Variants in TRPM1 observed in about 807,000 individuals in gnomAD.
The protein encoded by TRPM1 is transient receptor potential cation channel subfamily M member 1, also known as TRPM1-203 APA Isoform, Intron 10.
TRPM1 carries 113 observed loss-of-function variants against 149.4 expected under a neutral mutation model. That is an observed-to-expected ratio of 0.76 (90% CI 0.65 to 0.88). TRPM1 has a LOEUF of 0.88. Ranked by LOEUF, TRPM1 falls within the 40% of genes least tolerant of loss-of-function variation. The probability of loss-of-function intolerance (pLI) is 0.00; values close to 1 mark genes in which losing one functional copy is unlikely to be tolerated. For missense variants in TRPM1, 1,976 were observed against 2,038.7 expected (o/e 0.97, Z 0.59); for synonymous variants, 741 against 759.5 (o/e 0.98, Z 0.40).
intron 1 of TRPM1, among the ~76,000 whole-genome samples, chr15:31,144,943 C>T (rs1242346839): frequency 3.3e-5 from 5 of 151,820 alleles, no homozygotes; most frequent in Non-Finnish European, 5.9e-5. Flanking sequence ...CTCGAGCTCC[C>T]GACCTCAGGT....
chr15:31,108,630 AT>A (rs2035641449), intron 1 of TRPM1, among the ~76,000 whole-genome samples: 3 of 152,150 alleles, frequency 2.0e-5, no homozygotes, highest in African/African-American at 7.2e-5. Context: ...AGTAGCTGGG[AT>A]TACAGGCATG....
At position 31,088,686 on chromosome 15, in the gene TRPM1, C is replaced by T. The variant is rs72712249; in HGVS notation, c.-83-7248G>A. On this transcript the variant is annotated intron_variant, in intron 1 of 27. Coordinates refer to ENST00000256552, the MANE Select transcript of TRPM1 (RefSeq NM_001252024.2). ...CTAGGATGGGCATTTCATACTAAGCCTTTTTGGGATTTGGGGGCCGTCGTA... is the reference window on the plus strand; with the variant it reads ...CTAGGATGGGCATTTCATACTAAGCTTTTTTGGGATTTGGGGGCCGTCGTA... Among the ~76,000 whole-genome samples, 730 of 152,182 alleles carry T rather than the reference C, an allele frequency of 4.8e-3. 3 individuals carry two copies. Among genetic ancestry groups the T allele is most frequent in the Non-Finnish European group, 7.9e-3 (536 of 68,018 alleles).
chr15:31,020,751 T>C (rs1016786797), intron 27 of TRPM1, among the ~76,000 whole-genome samples: 18 of 152,208 alleles, frequency 1.2e-4, no homozygotes, highest in Admixed American at 9.8e-4. Context: ...TTATTTATTT[T>C]GGAGGAGGAC....
chr15:31,068,731 C>A (rs956819239), intron 4 of TRPM1, among the ~76,000 whole-genome samples: 2 of 111,886 alleles, frequency 1.8e-5, no homozygotes, highest in Non-Finnish European at 3.4e-5. Context: ...GCAACAAGAT[C>A]GAAACTCCAA....
chr15:31,132,008 A>T (rs974164550), intron 1 of TRPM1, among the ~76,000 whole-genome samples: 1 of 152,170 alleles, frequency 6.6e-6, no homozygotes, highest in Non-Finnish European at 1.5e-5. Flanking sequence ...CTTTCCTGGG[A>T]TCAAGGTTTT....
At chr15:31,126,967 A>AAAC (rs2035959208) in intron 1 of TRPM1, among the ~76,000 whole-genome samples, 20 of 150,560 alleles carry the variant, frequency 1.3e-4, no homozygotes, top group African/African-American at 4.9e-4. Context: ...ATCCTGTCTC[A>AAAC]AAACAAACAA....
upstream of TRPM1, among the ~76,000 whole-genome samples, chr15:31,104,713 C>T (rs1276739687): frequency 1.3e-5 from 2 of 151,638 alleles, no homozygotes; most frequent in South Asian, 2.1e-4. Flanking sequence ...CCTGCCTCAG[C>T]CTCCCGAGTA....
At chr15:31,026,880 C>T (rs746503606) in intron 26 of TRPM1, 35 bp downstream of exon 26, 26 of 1,605,158 alleles carry the variant, frequency 1.6e-5, no homozygotes, top group Non-Finnish European at 2.1e-5. Context: ...ATTTTGAAAT[C>T]AGCCCAACTT....
chr15:31,076,933 C>T lies in TRPM1; in HGVS notation c.55G>A (p.Val19Ile). 6.2e-7 allele frequency: 1 copy of T among 1,612,258 alleles called. No homozygotes were observed. Among genetic ancestry groups the T allele is most frequent in the African/African-American group, 1.3e-5 (1 of 74,990 alleles). ...KTFCKRECIF[V>I]IPSMKDSNRC... is the part of the protein sequence containing the mutation. Reference sequence around the variant, plus strand: ...TTAGAGTCTTTCATGCTAGGAATTACAAAGATACATTCCCGTTTGCAAAAG... The same window carrying T: ...TTAGAGTCTTTCATGCTAGGAATTATAAAGATACATTCCCGTTTGCAAAAG... Residue 19 changes from valine (V) to isoleucine (I), a missense_variant, in exon 3 of 28, where the codon GTA (valine) becomes ATA (isoleucine). By Grantham distance (29) the Val-to-Ile change is conservative. Coordinates refer to ENST00000256552, the MANE Select transcript of TRPM1 (RefSeq NM_001252024.2).
intron 21 of TRPM1, among the ~76,000 whole-genome samples, chr15:31,035,130 G>A (rs893157353): frequency 6.6e-6 from 1 of 152,082 alleles, no homozygotes; most frequent in African/African-American, 2.4e-5. Flanking sequence ...TCAGCCTCCT[G>A]AGTAGCCGAA....
At chr15:31,145,202 G>A (rs2036209882) in intron 1 of TRPM1, among the ~76,000 whole-genome samples, 1 of 152,134 alleles carries the variant, frequency 6.6e-6, no homozygotes. Flanking sequence ...CCCTTGATGT[G>A]TGAGCCACAC....
chr15:31,026,688 A>C (rs1486683182), intron 26 of TRPM1, among the ~76,000 whole-genome samples: 1 of 152,228 alleles, frequency 6.6e-6, no homozygotes, highest in East Asian at 1.9e-4. Flanking sequence ...AATTAGCTCA[A>C]CTTCTGGTCT....
intron 1 of TRPM1, among the ~76,000 whole-genome samples, chr15:31,113,666 A>G (rs747119914): frequency 6.6e-6 from 1 of 152,110 alleles, no homozygotes; most frequent in Non-Finnish European, 1.5e-5. Flanking sequence ...TTTGCCCTCC[A>G]TCACCCACGT....
chr15:31,088,387 T>C (rs772581908), intron 1 of TRPM1, among the ~76,000 whole-genome samples: 1 of 152,202 alleles, frequency 6.6e-6, no homozygotes, highest in African/African-American at 2.4e-5. Flanking sequence ...GCAATAAATG[T>C]TATTGCTGCA....
chr15:31,087,308 A>G (rs1199398215), intron 1 of TRPM1, among the ~76,000 whole-genome samples: 4 of 125,328 alleles, frequency 3.2e-5, no homozygotes, highest in Non-Finnish European at 6.3e-5. Context: ...GCAGTGGTGC[A>G]ATCTTGGCTC....
At chr15:31,103,365 T>C (rs1304538939), upstream of TRPM1, among the ~76,000 whole-genome samples, 1 of 152,170 alleles carries the variant, frequency 6.6e-6, no homozygotes, top group Non-Finnish European at 1.5e-5. Context: ...ACAGAGCCAG[T>C]CAGAATTGAG....
rs751296022 is a variant in TRPM1, at chr15:31,002,926, T to TC, written c.3773dup (p.Ile1259AsnfsTer5). 6.2e-7 allele frequency: 1 copy of TC among 1,603,768 alleles called. No individual in the cohort carries two copies. Among genetic ancestry groups the TC allele is most frequent in the East Asian group, 2.2e-5 (1 of 44,700 alleles). On this transcript the variant is annotated frameshift_variant, in exon 28 of 28. Transcript: ENST00000256552. LOFTEE classifies it low-confidence loss of function (END_TRUNC). Reference sequence around the variant, plus strand: ...CCTGGATCAGGTCAGACCTGTCGATTCCCGCAAGATTTTCAAGAGCATTCA... The same window carrying TC: ...CCTGGATCAGGTCAGACCTGTCGATTCCCCGCAAGATTTTCAAGAGCATTCA...
intron 1 of TRPM1, among the ~76,000 whole-genome samples, chr15:31,149,925 G>A (rs1301078645): frequency 1.3e-5 from 2 of 152,192 alleles, no homozygotes; most frequent in East Asian, 3.8e-4. Context: ...TAGTGACTTT[G>A]GGCAGCAAAT....
At chr15:31,078,167 G>C (rs903264603) in intron 2 of TRPM1, among the ~76,000 whole-genome samples, 6 of 152,154 alleles carry the variant, frequency 3.9e-5, no homozygotes, top group African/African-American at 1.4e-4. Flanking sequence ...TGGGACTGAG[G>C]TATCTGCGGG....
Sources: allele counts gnomAD v4.1 joint callset (sites outside exome capture counted in the v4.1 genomes callset), GRCh38; gene constraint gnomAD v4.1.1; transcripts MANE v1.5; gene names NCBI Gene and HGNC (gene_info 2026-07-23, HGNC 2026-07-21).